The following KRAS variants were observed in gnomAD, a reference collection of about 807,000 sequenced individuals.
KRAS encodes GTPase KRas.
In KRAS, 1 loss-of-function variant was observed where a neutral mutation model predicts 21.0. That is an observed-to-expected ratio of 0.05 (90% CI 0.02 to 0.23). The LOEUF is 0.23. KRAS is among the 10% of genes least tolerant of loss of function. KRAS has a pLI of 1.00. For missense variants in KRAS, 107 were observed against 221.8 expected (o/e 0.48, Z 3.29); for synonymous variants, 67 against 72.5 (o/e 0.92, Z 0.39).
intron 4 of KRAS, chr12:25,225,200 TACA>T (rs906266541): frequency 3.3e-5 from 5 of 151,080 alleles, no homozygotes; most frequent in African/African-American, 1.2e-4. Context: ...ATTCTTCAAA[TACA>T]ACAACGTTTA....
At chr12:25,213,867 A>G (rs191214924) in intron 4 of KRAS, among the ~76,000 whole-genome samples, 28 of 152,352 alleles carry the variant, frequency 1.8e-4, no homozygotes, top group African/African-American at 6.5e-4. Context: ...ACGGGTTTAG[A>G]AACGAAAATG....
chr12:25,246,057 A>G (rs1328832015), intron 1 of KRAS, among the ~76,000 whole-genome samples: 1 of 151,510 alleles, frequency 6.6e-6, no homozygotes, highest in Non-Finnish European at 1.5e-5. Context: ...AATGTGTGAA[A>G]TATCTCTGGG....
At position 25,230,892 on chromosome 12, in the gene KRAS, T is replaced by C. The variant is rs529982927; in HGVS notation, c.112-3480A>G. 8.1e-4 allele frequency among the ~76,000 whole-genome samples: 123 copies of C among 152,268 alleles called. 2 individuals carry two copies. The South Asian group carries it at 0.024, about 30-fold the overall frequency. On this transcript the variant is annotated intron_variant, in intron 2 of 4. Transcript: ENST00000311936. ...ATTTGAGCATTCAGTTGACATTTAC[T>C]TAATTTAGCCTATTCTCTTATTAAA... is the stretch of plus-strand genomic sequence containing the variant.
At chr12:25,209,969 G>A in intron 4 of KRAS, 58 bp from the exon 5 acceptor site, 2 of 1,308,114 alleles carry the variant, frequency 1.5e-6, no homozygotes, top group Non-Finnish European at 2.1e-6. Context: ...ATGTGTACAG[G>A]TAACAAATTT....
At chr12:25,235,596 C>T (rs867134213) in intron 2 of KRAS, among the ~76,000 whole-genome samples, 11 of 152,120 alleles carry the variant, frequency 7.2e-5, no homozygotes, top group Non-Finnish European at 1.6e-4. Flanking sequence ...GAATGTAACA[C>T]CATATGCAAG....
intron 2 of KRAS, among the ~76,000 whole-genome samples, chr12:25,238,544 CT>C (rs1265237370): frequency 1.3e-5 from 2 of 152,164 alleles, no homozygotes; most frequent in Non-Finnish European, 2.9e-5. Flanking sequence ...CTTTAGTGCC[CT>C]TTTCTCTCTC....
chr12:25,235,895 G>C (rs1951538771), intron 2 of KRAS, among the ~76,000 whole-genome samples: 1 of 152,146 alleles, frequency 6.6e-6, no homozygotes, highest in African/African-American at 2.4e-5. Context: ...GCATTAGTTA[G>C]ATTCTCCTAA....
intron 2 of KRAS, among the ~76,000 whole-genome samples, chr12:25,232,614 A>C (rs1951488783): frequency 6.6e-6 from 1 of 152,230 alleles, no homozygotes. Flanking sequence ...TAAACTTTTA[A>C]ATTAGGTACA....
intron 4 of KRAS, among the ~76,000 whole-genome samples, chr12:25,220,947 C>A (rs543214356): frequency 6.8e-6 from 1 of 147,376 alleles, no homozygotes; most frequent in African/African-American, 2.5e-5. Flanking sequence ...ATTGCTTGAA[C>A]CCAGGAGGAG....
intron 2 of KRAS, 52 bp downstream of exon 2, chr12:25,245,221 TG>T: frequency 6.5e-7 from 1 of 1,542,684 alleles, no homozygotes; most frequent in Non-Finnish European, 8.8e-7. Context: ...AACCTTTATC[TG>T]TATCAAAGAA....
At chr12:25,221,548 A>G (rs2141498600) in intron 4 of KRAS, among the ~76,000 whole-genome samples, 1 of 152,084 alleles carries the variant, frequency 6.6e-6, no homozygotes, top group South Asian at 2.1e-4. Context: ...GCCTATTTTT[A>G]TACTATGCAC....
chr12:25,243,819 A>T (rs997480983), intron 2 of KRAS, among the ~76,000 whole-genome samples: 1 of 152,348 alleles, frequency 6.6e-6, no homozygotes, highest in South Asian at 2.1e-4. Flanking sequence ...AAACCTCTTC[A>T]AAGAAACAAA....
In KRAS at chr12:25,245,350, C is replaced by T. The variant is rs121913529; in HGVS notation, c.35G>A (p.Gly12Asp). 6 of 1,612,744 alleles carry T rather than the reference C, an allele frequency of 3.7e-6. No homozygotes were observed. Among genetic ancestry groups the T allele is most frequent in the Non-Finnish European group, 4.2e-6 (5 of 1,179,306 alleles). Reference sequence around the variant, plus strand: ...CGTCAAGGCACTCTTGCCTACGCCACCAGCTCCAACTACCACAAGTTTATA... The same window carrying T: ...CGTCAAGGCACTCTTGCCTACGCCATCAGCTCCAACTACCACAAGTTTATA... ...TEYKLVVVGA[G>D]GVGKSALTIQ... is the part of the protein sequence containing the mutation. Residue 12 changes from glycine (G) to aspartate (D), a missense_variant, in exon 2 of 5, where the codon GGT becomes GAT. Transcript: ENST00000311936.
chr12:25,249,214 G>A (rs1020541553), intron 1 of KRAS, among the ~76,000 whole-genome samples: 3 of 152,144 alleles, frequency 2.0e-5, no homozygotes, highest in Non-Finnish European at 4.4e-5. Context: ...GACCAACATG[G>A]TGAAACCCCC....
At chr12:25,230,189 AAGG>A (rs961295226) in intron 2 of KRAS, among the ~76,000 whole-genome samples, 1 of 152,232 alleles carries the variant, frequency 6.6e-6, no homozygotes, top group African/African-American at 2.4e-5. Context: ...TTTACAGTAT[AAGG>A]AGAATATAAA....
At chr12:25,220,505 G>C (rs1298163875) in intron 4 of KRAS, among the ~76,000 whole-genome samples, 1 of 152,184 alleles carries the variant, frequency 6.6e-6, no homozygotes, top group Admixed American at 6.5e-5. Context: ...GAGACGGGCA[G>C]ATCACGAGGT....
At position 25,243,296 on chromosome 12, in the gene KRAS, A is replaced by G. The variant is rs1384363201; in HGVS notation, c.111+1978T>C. On this transcript the variant is annotated intron_variant, in intron 2 of 4. Transcript: ENST00000311936. ...TCAGAGACTCACTGTAACTTGGGAG[A>G]TAAGAGATAATCTCAGATACCTTTT... Among the ~76,000 whole-genome samples, 2 of 152,276 alleles carry G rather than the reference A, an allele frequency of 1.3e-5. 1 individual carries two copies. Among genetic ancestry groups the G allele is most frequent in the South Asian group, 4.2e-4 (2 of 4,818 alleles).
chr12:25,211,401 C>G (rs1951199172), intron 4 of KRAS, among the ~76,000 whole-genome samples: 1 of 152,112 alleles, frequency 6.6e-6, no homozygotes, highest in East Asian at 1.9e-4. Context: ...ATGGTGAAAC[C>G]CTGTCTCTAC....
chr12:25,213,217 CAT>C (rs1951217314), intron 4 of KRAS, among the ~76,000 whole-genome samples: 1 of 152,156 alleles, frequency 6.6e-6, no homozygotes, highest in East Asian at 1.9e-4. Context: ...CTGTATAAAA[CAT>C]AATTTGCACA....
Sources: allele counts gnomAD v4.1 joint callset (sites outside exome capture counted in the v4.1 genomes callset), GRCh38; gene constraint gnomAD v4.1.1; transcripts MANE v1.5; gene names NCBI Gene and HGNC (gene_info 2026-07-23, HGNC 2026-07-21).